The following NT5DC1 variants were observed in gnomAD, a reference collection of about 807,000 sequenced individuals.
NT5DC1 encodes 5'-nucleotidase domain containing 1, also known as 5'-nucleotidase domain-containing protein 1.
Under a neutral mutation model 59.4 loss-of-function variants are expected in NT5DC1, and 42 were observed. The ratio of observed to expected loss-of-function variants is 0.71; its 90% CI spans 0.55 to 0.92. NT5DC1 has a LOEUF of 0.92. Among genes scored for constraint, NT5DC1 ranks in the 40% least tolerant of loss-of-function variants. The pLI is 0.00. For missense variants in NT5DC1, 501 were observed against 537.1 expected (o/e 0.93, Z 0.66); for synonymous variants, 172 against 188.1 (o/e 0.91, Z 0.70).
intron 6 of NT5DC1, among the ~76,000 whole-genome samples, chr6:116,195,931 C>G (rs768431143): frequency 6.6e-6 from 1 of 151,972 alleles, no homozygotes; most frequent in African/African-American, 2.4e-5. Flanking sequence ...GAGAGAGATT[C>G]CTGCCTCTAA....
chr6:116,108,578 A>G (rs1582804622), intron 3 of NT5DC1, 143 bp downstream of exon 3: 1 of 606,302 alleles, frequency 1.6e-6, no homozygotes, highest in East Asian at 2.8e-5. Context: ...ATGTCTTTGT[A>G]TGAATTGTTT....
chr6:116,146,543 T>C lies in NT5DC1; in HGVS notation c.529+28598T>C, dbSNP rs570432281. Among the ~76,000 whole-genome samples, 27 of 152,320 alleles carry C rather than the reference T, an allele frequency of 1.8e-4. 1 individual carries two copies. Among genetic ancestry groups the C allele is most frequent in the Admixed American group, 1.7e-3 (26 of 15,298 alleles). ...TTTCGCCTTAACAAAAGAAAGTATG[T>C]GCCAGGGGGAAGAGAAGGTTAAATA... On this transcript the variant is annotated intron_variant, in intron 6 of 11. Transcript: ENST00000319550.
At chr6:116,238,415 A>G in intron 10 of NT5DC1, 67 bp downstream of exon 10, 1 of 1,098,764 alleles carries the variant, frequency 9.1e-7, no homozygotes, top group Non-Finnish European at 1.2e-6. Flanking sequence ...AAGTATCTTT[A>G]TACTACTTGA....
rs776311667 is a variant in NT5DC1 at position 116,238,187 on chromosome 6, GTTGT to G, written c.925_928del (p.Val309IlefsTer45). The G allele has an allele frequency of 6.2e-7, 1 of 1,606,488 alleles. No individual in the cohort carries two copies. The highest frequency in any genetic ancestry group is 8.5e-7 in the Non-Finnish European group (1 of 1,176,032). The stretch of plus-strand genomic sequence containing the variant: ...ACAGCATCTGCTATCTGTCTTACAG[GTTGT>G]TTATTTTGGTGACAGCATGCATTCA... On this transcript the variant is annotated frameshift_variant and splice_region_variant, in exon 10 of 12. Transcript: ENST00000319550. LOFTEE classifies it high-confidence loss of function.
At chr6:116,113,652 A>C (rs929248909) in intron 4 of NT5DC1, among the ~76,000 whole-genome samples, 5 of 152,152 alleles carry the variant, frequency 3.3e-5, no homozygotes, top group African/African-American at 1.2e-4. Context: ...CAGTCAAATG[A>C]CCTTAGCCTC....
chr6:116,189,305 C>G (rs1365220838), intron 6 of NT5DC1, among the ~76,000 whole-genome samples: 1 of 151,552 alleles, frequency 6.6e-6, no homozygotes, highest in Non-Finnish European at 1.5e-5. Flanking sequence ...TATTTTTTCC[C>G]TCATTTTGAG....
At chr6:116,207,502 ATTTTTGG>A (rs1312269731) in intron 6 of NT5DC1, among the ~76,000 whole-genome samples, 1 of 151,932 alleles carries the variant, frequency 6.6e-6, no homozygotes, top group African/African-American at 2.4e-5. Flanking sequence ...GAGTTACTTA[ATTTTTGG>A]TTTAAAAAGT....
intron 6 of NT5DC1, among the ~76,000 whole-genome samples, chr6:116,190,596 G>A (rs1295227761): frequency 1.3e-5 from 2 of 151,930 alleles, no homozygotes; most frequent in Non-Finnish European, 2.9e-5. Flanking sequence ...CAGTGGTTGT[G>A]GGGGTAAACA....
At position 116,172,179 on chromosome 6, in the gene NT5DC1, C is replaced by T. The variant is rs1780624119; in HGVS notation, c.530-48875C>T. Among the ~76,000 whole-genome samples the T allele has an allele frequency of 3.3e-5, 5 of 152,100 alleles. No individual in the cohort carries two copies. The South Asian group carries it at 1.0e-3, about 32-fold the overall frequency. Reference sequence around the variant, plus strand: ...CCTAAGTGATACAATCTCATGATTTCCTCATAGAAAGATTGAAAATTATTT... The same window carrying T: ...CCTAAGTGATACAATCTCATGATTTTCTCATAGAAAGATTGAAAATTATTT... On this transcript the variant is annotated intron_variant, in intron 6 of 11. Transcript: ENST00000319550.
At chr6:116,223,660 AC>A (rs1281446967) in intron 8 of NT5DC1, among the ~76,000 whole-genome samples, 2 of 152,260 alleles carry the variant, frequency 1.3e-5, no homozygotes, top group African/African-American at 4.8e-5. Context: ...TTGAATAAAT[AC>A]ATAAATGAAT....
intron 10 of NT5DC1, among the ~76,000 whole-genome samples, chr6:116,238,565 A>G (rs1027172400): frequency 2.0e-5 from 3 of 151,994 alleles, no homozygotes; most frequent in African/African-American, 7.2e-5. Context: ...TAATAATTCC[A>G]TCCTCATTCC....
intron 6 of NT5DC1, among the ~76,000 whole-genome samples, chr6:116,216,914 A>G (rs1025796557): frequency 6.6e-6 from 1 of 152,134 alleles, no homozygotes; most frequent in Non-Finnish European, 1.5e-5. Context: ...ATAACTTGTA[A>G]AGGTTGTAAA....
chr6:116,234,962 A>G (rs1393422741), intron 8 of NT5DC1, among the ~76,000 whole-genome samples: 1 of 151,468 alleles, frequency 6.6e-6, no homozygotes. Context: ...GGCAGCCTCC[A>G]GTATAGGGGC....
intron 6 of NT5DC1, chr6:116,137,231 T>G (rs986680215): frequency 2.5e-5 from 4 of 158,874 alleles, no homozygotes; most frequent in African/African-American, 9.6e-5. Context: ...TTTTCATGAT[T>G]TGACTCAGAC....
chr6:116,186,039 T>C lies in NT5DC1; in HGVS notation c.530-35015T>C, dbSNP rs193235492. Among the ~76,000 whole-genome samples the C allele has an allele frequency of 1.7e-3, 263 of 152,250 alleles. 3 individuals carry two copies. The highest frequency in any genetic ancestry group is 5.6e-3 in the African/African-American group (233 of 41,556). On this transcript the variant is annotated intron_variant, in intron 6 of 11. Coordinates refer to ENST00000319550, the MANE Select transcript of NT5DC1 (RefSeq NM_152729.3). ...TTCTTTCAAGATTTAGAGCTTCTTA[T>C]AGTGGTTCTTGTAGTTCTCTTTTGG...
intron 6 of NT5DC1, among the ~76,000 whole-genome samples, chr6:116,162,768 T>G (rs985212734): frequency 6.6e-6 from 1 of 152,146 alleles, no homozygotes. Context: ...GATCTTGTTA[T>G]TAGCATGATA....
chr6:116,152,471 T>C (rs1453572626), intron 6 of NT5DC1, among the ~76,000 whole-genome samples: 2 of 152,138 alleles, frequency 1.3e-5, no homozygotes, highest in Non-Finnish European at 2.9e-5. Flanking sequence ...TCATCTATTA[T>C]GGTGATTATC....
At chr6:116,129,202 A>G (rs1779402468) in intron 6 of NT5DC1, among the ~76,000 whole-genome samples, 1 of 152,228 alleles carries the variant, frequency 6.6e-6, no homozygotes, top group East Asian at 1.9e-4. Context: ...TAGTTCACAT[A>G]CATATATAGA....
In NT5DC1 at chr6:116,237,085, G is replaced by A. The variant is rs1474208456; in HGVS notation, c.921+1G>A. 1.9e-6 allele frequency: 3 copies of A among 1,570,402 alleles called. No homozygotes were observed. In the South Asian group the frequency reaches 3.3e-5, roughly 17 times the overall value. ...AATGACTGGCAAACCTGAACCCAAG[G>A]TATTTCCCAGTTGAGGAGAAGTCCT... On this transcript the variant is annotated splice_donor_variant, in intron 9 of 11. Coordinates refer to ENST00000319550, the MANE Select transcript of NT5DC1 (RefSeq NM_152729.3). LOFTEE classifies it high-confidence loss of function.
Sources: allele counts gnomAD v4.1 joint callset (sites outside exome capture counted in the v4.1 genomes callset), GRCh38; gene constraint gnomAD v4.1.1; transcripts MANE v1.5; gene names NCBI Gene and HGNC (gene_info 2026-07-23, HGNC 2026-07-21).